The following CACNA1D variants were observed in gnomAD, a reference collection of about 807,000 sequenced individuals.
The protein encoded by CACNA1D is voltage-dependent L-type calcium channel subunit alpha-1D.
Under a neutral mutation model 257.1 loss-of-function variants are expected in CACNA1D, and 55 were observed. The ratio of observed to expected loss-of-function variants is 0.21; its 90% CI spans 0.17 to 0.27. The LOEUF (loss-of-function observed/expected upper bound fraction) is 0.27. CACNA1D is among the 10% of genes least tolerant of loss of function. The pLI is 1.00. For synonymous variants in CACNA1D, 980 were observed against 1,014.9 expected (o/e 0.97, Z 0.65); for missense variants, 1,876 against 2,784.0 (o/e 0.67, Z 7.34).
chr3:53,734,830 A>T (rs572344003), intron 19 of CACNA1D, among the ~76,000 whole-genome samples: 44 of 152,358 alleles, frequency 2.9e-4, no homozygotes, highest in African/African-American at 9.6e-4. Context: ...ACAGCCAGAG[A>T]TGTCCTGAAG....
chr3:53,776,916 T>C lies in CACNA1D; in HGVS notation c.4547T>C (p.Leu1516Pro). Residue 1516 changes from leucine (L) to proline (P), a missense_variant, in exon 37 of 48, where the codon CTG becomes CCG. By Grantham distance (98) the Leu-to-Pro change is moderately conservative (BLOSUM62 -3). Transcript: ENST00000350061. ...VTLLRRIQPP[L>P]GFGKLCPHRV... is the part of the protein sequence containing the mutation. The stretch of plus-strand genomic sequence containing the variant: ...CTGCTTCGACGCATCCAGCCTCCCC[T>C]GGGGTTTGGGAAGTTATGTCCACAC... The C allele has an allele frequency of 6.2e-7, 1 of 1,614,140 alleles. No individual in the cohort carries two copies. Among genetic ancestry groups the C allele is most frequent in the Non-Finnish European group, 8.5e-7 (1 of 1,179,982 alleles).
chr3:53,709,723 C>A (rs903117327), intron 9 of CACNA1D, among the ~76,000 whole-genome samples: 2 of 152,200 alleles, frequency 1.3e-5, no homozygotes, highest in Non-Finnish European at 2.9e-5. Flanking sequence ...AGAGTCATTT[C>A]TCTCGTGACC....
chr3:53,514,250 C>T (rs1187312911), intron 3 of CACNA1D, among the ~76,000 whole-genome samples: 1 of 151,958 alleles, frequency 6.6e-6, no homozygotes, highest in Non-Finnish European at 1.5e-5. Context: ...CGCCCACGCT[C>T]AAGTACTAGG....
chr3:53,687,266 A>G (rs1387991068), intron 8 of CACNA1D, among the ~76,000 whole-genome samples: 1 of 152,118 alleles, frequency 6.6e-6, no homozygotes, highest in Non-Finnish European at 1.5e-5. Context: ...AGAAACTGAC[A>G]AGCTTATTCT....
At chr3:53,718,531 A>ACG (rs2108683340) in intron 10 of CACNA1D, 143 bp downstream of exon 10, 1 of 1,029,954 alleles carries the variant, frequency 9.7e-7, no homozygotes, top group Non-Finnish European at 1.5e-6. Context: ...ACCCCACGCC[A>ACG]CGCTTCCTCC....
Position 53,495,103 on chromosome 3 carries a change from C to T in CACNA1D, c.-64C>T. Reference sequence around the variant, plus strand: ...CTCTTGGTGATCCCCTTCCCCATTCCGCCCCCGCCTCAACGCCCAGCACAG... The same window carrying T: ...CTCTTGGTGATCCCCTTCCCCATTCTGCCCCCGCCTCAACGCCCAGCACAG... On this transcript the variant is annotated 5_prime_UTR_variant, in exon 1 of 48. Transcript: ENST00000350061. The surrounding 1 kb of genome is among the most constrained non-coding windows in gnomAD (Gnocchi z 5.1). 1 of 1,324,804 alleles carries T rather than the reference C, an allele frequency of 7.5e-7. No individual in the cohort carries two copies. Among genetic ancestry groups the T allele is most frequent in the Non-Finnish European group, 1.1e-6 (1 of 932,974 alleles). 82.1% of individuals were successfully genotyped at this position (1,324,804 alleles called of 1,614,324 possible).
chr3:53,748,938 A>G (rs1190821225), intron 26 of CACNA1D: 4 of 431,652 alleles, frequency 9.3e-6, no homozygotes, highest in South Asian at 2.0e-5. Flanking sequence ...GCCAGTGTGC[A>G]TAGTTTTCAC....
intron 3 of CACNA1D, among the ~76,000 whole-genome samples, chr3:53,622,588 A>G (rs191853766): frequency 7.0e-4 from 105 of 150,838 alleles, no homozygotes; most frequent in African/African-American, 2.2e-3. Flanking sequence ...ACATGGACAC[A>G]GAGGGCAACA....
chr3:53,787,134 T>C (rs928876449), intron 40 of CACNA1D, among the ~76,000 whole-genome samples, 182 bp downstream of exon 40: 36 of 151,872 alleles, frequency 2.4e-4, no homozygotes, highest in Non-Finnish European at 3.4e-4. Flanking sequence ...AGTGCTTCCC[T>C]CCCCGATGCC....
intron 15 of CACNA1D, among the ~76,000 whole-genome samples, chr3:53,729,930 GAA>G (rs930082552): frequency 6.6e-6 from 1 of 152,154 alleles, no homozygotes; most frequent in African/African-American, 2.4e-5. Context: ...TTTCAAAGGA[GAA>G]AGTCTCATAC....
At chr3:53,772,194 G>C (rs1032348136) in intron 32 of CACNA1D, among the ~76,000 whole-genome samples, 1 of 152,276 alleles carries the variant, frequency 6.6e-6, no homozygotes, top group South Asian at 2.1e-4. Context: ...CGACCCCCCA[G>C]CTCACTCCTT....
chr3:53,536,774 G>A lies in CACNA1D; in HGVS notation c.483+35054G>A, dbSNP rs114784078. ...AACACAGCCCCACTCATCCATTTAC[G>A]TATTATCTATGGGTATTTTCCTGCT... is the stretch of plus-strand genomic sequence containing the variant. On this transcript the variant is annotated intron_variant, in intron 3 of 47. Coordinates refer to ENST00000350061, the MANE Select transcript of CACNA1D (RefSeq NM_001128840.3). Among the ~76,000 whole-genome samples the A allele has an allele frequency of 9.7e-3, 1,474 of 152,268 alleles. 16 individuals are homozygous for A. Among genetic ancestry groups the A allele is most frequent in the Non-Finnish European group, 0.016 (1,118 of 68,006 alleles).
At chr3:53,702,897 A>G in intron 9 of CACNA1D, 87 bp downstream of exon 9, 13 of 1,448,838 alleles carry the variant, frequency 9.0e-6, no homozygotes, top group Non-Finnish European at 1.2e-5. Context: ...ACTCTGACCC[A>G]GGCTGTGAGT....
intron 3 of CACNA1D, among the ~76,000 whole-genome samples, chr3:53,644,158 T>A (rs1480254778): frequency 6.6e-6 from 1 of 152,208 alleles, no homozygotes; most frequent in Non-Finnish European, 1.5e-5. Flanking sequence ...GGAATGATAA[T>A]TTATTAGGGG....
At position 53,752,775 on chromosome 3, in the gene CACNA1D, C is replaced by T. The variant is rs1450763637; in HGVS notation, c.3676-797C>T. On this transcript the variant is annotated intron_variant, in intron 28 of 47. Transcript: ENST00000350061. ...AACAAAACATAAGTCACACTCCTGT[C>T]CTCAGGTGGCTCTCAGCATGGCAGT... Among the ~76,000 whole-genome samples, 4 of 152,220 alleles carry T rather than the reference C, an allele frequency of 2.6e-5. No homozygotes were observed. The South Asian group carries it at 8.3e-4, about 32-fold the overall frequency.
At chr3:53,798,326 T>TGC (rs1553686538) in intron 40 of CACNA1D, among the ~76,000 whole-genome samples, 25 of 148,812 alleles carry the variant, frequency 1.7e-4, no homozygotes, top group Non-Finnish European at 2.4e-4. Flanking sequence ...TGTGTGTGTG[T>TGC]GCGTGTGTGT....
chr3:53,602,925 C>G (rs1323778741), intron 3 of CACNA1D, among the ~76,000 whole-genome samples: 2 of 152,162 alleles, frequency 1.3e-5, no homozygotes, highest in African/African-American at 4.8e-5. Flanking sequence ...TGACTGTTTC[C>G]TTTGCCGTGC....
chr3:53,625,688 G>A (rs187700696), intron 3 of CACNA1D, among the ~76,000 whole-genome samples: 2 of 152,264 alleles, frequency 1.3e-5, no homozygotes, highest in Admixed American at 6.5e-5. Flanking sequence ...GCTGTGTTGG[G>A]AATAGACAAG....
intron 40 of CACNA1D, chr3:53,797,903 G>A (rs969126308): frequency 2.4e-4 from 36 of 152,200 alleles, no homozygotes; most frequent in African/African-American, 8.7e-4. Context: ...TTACTTGGGG[G>A]TGTTGACTTA....
Sources: allele counts gnomAD v4.1 joint callset (sites outside exome capture counted in the v4.1 genomes callset), GRCh38; gene constraint gnomAD v4.1.1; non-coding constraint Gnocchi (gnomAD v3.1); transcripts MANE v1.5; gene names NCBI Gene and HGNC (gene_info 2026-07-23, HGNC 2026-07-21).